Variants in CDH5 observed in about 807,000 individuals in gnomAD.
CDH5 encodes cadherin-5.
Under a neutral mutation model 62.0 loss-of-function variants are expected in CDH5, and 28 were observed. The ratio of observed to expected loss-of-function variants is 0.45; its 90% confidence interval spans 0.33 to 0.62. The LOEUF is 0.62. CDH5 is among the 20% of genes least tolerant of loss of function. The probability of loss-of-function intolerance (pLI) is 0.02; values close to 1 mark genes in which losing one functional copy is unlikely to be tolerated. For missense variants in CDH5, 940 were observed against 1,065.1 expected, an observed-to-expected ratio of 0.88 and a Z score of 1.63; for synonymous variants, 464 against 445.8, an observed-to-expected ratio of 1.04 and a Z score of -0.52.
rs754989322 is a variant in CDH5 at position 66,390,548 on chromosome 16, G to A, written c.927G>A (p.Glu309=). 5.0e-6 allele frequency: 8 copies of A among 1,614,032 alleles called. No individual in the cohort carries two copies. Among genetic ancestry groups the A allele is most frequent in the African/African-American group, 1.3e-5 (1 of 74,912 alleles). The part of the protein sequence containing the change: ...RGDYQDAFTI[E]TNPAHNEGII... ...ACTACCAGGACGCTTTCACCATTGA[G>A]ACAAACCCCGCCCACAACGAGGGCA... is the stretch of plus-strand genomic sequence containing the variant. The change falls in exon 6 of 12, where the codon GAG becomes GAA. Residue 309 remains glutamate, a synonymous_variant. Transcript: ENST00000341529.
At chr16:66,379,721 G>A (rs2142315739) in intron 2 of CDH5, among the ~76,000 whole-genome samples, 174 bp downstream of exon 2, 1 of 152,344 alleles carries the variant, frequency 6.6e-6, no homozygotes, top group African/African-American at 2.4e-5. Flanking sequence ...GGTGGTAGAA[G>A]TAGTGGTGGT....
In CDH5 at chr16:66,392,175, G is replaced by C. The variant is rs147523967; in HGVS notation, c.1009G>C (p.Val337Leu). 1 of 1,613,898 alleles carries C rather than the reference G, an allele frequency of 6.2e-7. No homozygotes were observed. The highest frequency in any genetic ancestry group is 1.3e-5 in the African/African-American group (1 of 74,858). The stretch of plus-strand genomic sequence containing the variant: ...ATACATCCAGCAATACAGCTTCATC[G>C]TCGAGGCCACAGACCCCACCATCGA... ...YEYIQQYSFI[V>L]EATDPTIDLR... The change falls in exon 7 of 12, where the codon GTC (valine) becomes CTC (leucine). Residue 337 changes from valine to leucine, a missense_variant. Physicochemically the swap from Val to Leu is conservative, Grantham distance 32. Coordinates refer to ENST00000341529, the MANE Select transcript of CDH5 (RefSeq NM_001795.5).
intron 10 of CDH5, 25 bp from the exon 11 acceptor site, chr16:66,400,746 G>T: frequency 6.2e-7 from 1 of 1,614,056 alleles, no homozygotes; most frequent in South Asian, 1.1e-5. Context: ...GGCAAAGCCT[G>T]ACTCCGAGGC....
intron 3 of CDH5, among the ~76,000 whole-genome samples, 170 bp from the exon 4 acceptor site, chr16:66,388,154 C>T (rs947855525): frequency 6.6e-6 from 1 of 152,204 alleles, no homozygotes; most frequent in Admixed American, 6.5e-5. Context: ...CCACTGCCAC[C>T]AGCACTTTGC....
intron 10 of CDH5, among the ~76,000 whole-genome samples, chr16:66,399,602 C>CT (rs1292335527): frequency 1.3e-5 from 2 of 152,146 alleles, no homozygotes; most frequent in Admixed American, 6.5e-5. Context: ...ACAGACCATT[C>CT]AACACCCAGT....
intron 5 of CDH5, 80 bp from the exon 6 acceptor site, chr16:66,390,323 A>G: frequency 1.9e-6 from 2 of 1,063,712 alleles, no homozygotes; most frequent in South Asian, 3.5e-5. Context: ...TTATCAAAAT[A>G]TGTTAGAATA....
chr16:66,380,399 ATGG>A (rs1347787712), intron 2 of CDH5, among the ~76,000 whole-genome samples: 3 of 143,714 alleles, frequency 2.1e-5, no homozygotes, highest in Non-Finnish European at 4.5e-5. Context: ...GATGGTGATG[ATGG>A]TGGTGCTGAT....
intron 7 of CDH5, 136 bp from the exon 8 acceptor site, chr16:66,395,923 G>GTATC: frequency 1.3e-6 from 1 of 779,814 alleles, no homozygotes; most frequent in Non-Finnish European, 2.1e-6. Flanking sequence ...CTGAGTGGCA[G>GTATC]AGTGCAATGA....
chr16:66,400,418 G>A (rs1466130279), intron 10 of CDH5, among the ~76,000 whole-genome samples: 2 of 152,176 alleles, frequency 1.3e-5, no homozygotes, highest in African/African-American at 2.4e-5. Flanking sequence ...AGCTTGAAAC[G>A]GAGCATTAAT....
chr16:66,370,078 GC>G, intron 1 of CDH5, among the ~76,000 whole-genome samples: 1 of 152,252 alleles, frequency 6.6e-6, no homozygotes, highest in South Asian at 2.1e-4. Flanking sequence ...TTGGCTCACT[GC>G]AACCTCCACC....
At chr16:66,396,605 AG>A (rs1184880626) in intron 8 of CDH5, among the ~76,000 whole-genome samples, 1 of 72,656 alleles carries the variant, frequency 1.4e-5, no homozygotes, top group African/African-American at 5.4e-5. Context: ...CATGATTCTT[AG>A]TTATCATGGC....
At chr16:66,397,705 A>T (rs1482502557) in intron 8 of CDH5, among the ~76,000 whole-genome samples, 3 of 152,026 alleles carry the variant, frequency 2.0e-5, no homozygotes, top group Admixed American at 6.5e-5. Context: ...TTAAATTTTT[A>T]ATTTTAGGAA....
At chr16:66,384,834 C>T (rs1960956501) in intron 2 of CDH5, among the ~76,000 whole-genome samples, 1 of 152,086 alleles carries the variant, frequency 6.6e-6, no homozygotes, top group South Asian at 2.1e-4. Flanking sequence ...GGCACGGTGG[C>T]ACATGCCTAT....
At chr16:66,369,304 A>T (rs891298546) in intron 1 of CDH5, among the ~76,000 whole-genome samples, 3 of 152,162 alleles carry the variant, frequency 2.0e-5, no homozygotes, top group Non-Finnish European at 4.4e-5. Flanking sequence ...GGTCAAGCGT[A>T]AGTTGGCCAG....
At chr16:66,397,285 T>A (rs561123052) in intron 8 of CDH5, among the ~76,000 whole-genome samples, 2 of 152,176 alleles carry the variant, frequency 1.3e-5, no homozygotes, top group Non-Finnish European at 2.9e-5. Flanking sequence ...AGTGGCACGA[T>A]CACAGCTCAC....
intron 11 of CDH5, among the ~76,000 whole-genome samples, chr16:66,401,801 T>C (rs1456768939): frequency 6.6e-6 from 1 of 152,186 alleles, no homozygotes; most frequent in Non-Finnish European, 1.5e-5. Flanking sequence ...TACTGTATCC[T>C]GCATTTCACT....
rs184642597 is a variant in CDH5 at position 66,387,054 on chromosome 16, G to A, written c.456G>A (p.Thr152=). 3.6e-5 allele frequency: 58 copies of A among 1,614,058 alleles called. No individual in the cohort carries two copies. In the East Asian group the frequency reaches 5.6e-4, roughly 16 times the overall value. ...HDVNDNWPVF[T]HRLFNASVPE... ...TGAACGACAACTGGCCTGTGTTCAC[G>A]CATCGGTTGTTCAATGCGTCCGTGC... Residue 152 remains threonine (T), a synonymous_variant, in exon 3 of 12, where the codon ACG becomes ACA. Coordinates refer to ENST00000341529, the MANE Select transcript of CDH5 (RefSeq NM_001795.5).
chr16:66,388,337 C>T lies in CDH5; in HGVS notation c.513C>T (p.Ile171=), dbSNP rs767866082. Residue 171 remains isoleucine (I), a synonymous_variant, in exon 4 of 12, where the codon ATC becomes ATT. Transcript: ENST00000341529. ...CTCTCTCTGCAGGGACCTCAGTCAT[C>T]TCTGTGACAGCAGTGGATGCAGACG... is the stretch of plus-strand genomic sequence containing the variant. ...PESSAVGTSV[I]SVTAVDADDP... The T allele has an allele frequency of 1.2e-6, 2 of 1,612,574 alleles. No individual in the cohort carries two copies. The highest frequency in any genetic ancestry group is 2.2e-5 in the East Asian group (1 of 44,882).
rs1327070925 is a variant in CDH5 at position 66,404,337 on chromosome 16, A to T, written c.*1168A>T. On this transcript the variant is annotated 3_prime_UTR_variant, in exon 12 of 12. Transcript: ENST00000341529. ...TGGTCACCCATGCATCTTCCACTGG[A>T]ACGTTTCACTGCAAACACACCTTGG... The T allele has an allele frequency of 6.6e-6, 1 of 152,594 alleles. No homozygotes were observed. Among genetic ancestry groups the T allele is most frequent in the Admixed American group, 6.5e-5 (1 of 15,282 alleles). 9.5% of individuals were successfully genotyped at this position (152,594 alleles called of 1,614,324 possible). A position where few individuals can be genotyped will look rare whatever the true frequency, so the allele number is the denominator to read the frequency against.
Sources: gnomAD v4.1 joint callset for allele counts (sites outside exome capture counted in the v4.1 genomes callset) on GRCh38, gnomAD v4.1.1 for gene constraint, MANE v1.5 for transcripts, NCBI Gene and HGNC (gene_info 2026-07-23, HGNC 2026-07-21) for gene names.